The following ARHGAP20 variants were observed in gnomAD, a reference collection of about 807,000 sequenced individuals.
ARHGAP20 encodes the protein rho GTPase-activating protein 20.
In ARHGAP20, 34 loss-of-function variants were observed where a neutral mutation model predicts 73.7. The observed-to-expected ratio is 0.46, with a 90% CI of 0.35 to 0.61. ARHGAP20 has a LOEUF of 0.61. ARHGAP20 is among the 20% of genes least tolerant of loss of function. The pLI is 0.00. For synonymous variants in ARHGAP20, 523 were observed against 518.2 expected, an observed-to-expected ratio of 1.01 and a Z score of -0.13; for missense variants, 1,314 against 1,420.9, an observed-to-expected ratio of 0.92 and a Z score of 1.21.
chr11:110,638,056 T>C (rs765795530), intron 2 of ARHGAP20, among the ~76,000 whole-genome samples: 4 of 152,078 alleles, frequency 2.6e-5, no homozygotes, highest in Non-Finnish European at 4.4e-5. Context: ...GAGCAGGACA[T>C]TGCATTTTGT....
intron 8 of ARHGAP20, among the ~76,000 whole-genome samples, chr11:110,607,314 C>T (rs1948257339): frequency 6.6e-6 from 1 of 152,174 alleles, no homozygotes; most frequent in Non-Finnish European, 1.5e-5. Context: ...ATGCTTCCCT[C>T]TCACTGCTGC....
At chr11:110,667,465 C>G (rs989584034) in intron 2 of ARHGAP20, among the ~76,000 whole-genome samples, 1 of 152,138 alleles carries the variant, frequency 6.6e-6, no homozygotes, top group Non-Finnish European at 1.5e-5. Context: ...AAAATAGATT[C>G]CTTTCAAAAC....
chr11:110,712,205 C>G lies in ARHGAP20; in HGVS notation c.27G>C (p.Glu9Asp), dbSNP rs1950680739. 7.3e-7 allele frequency: 1 copy of G among 1,369,206 alleles called. No individual in the cohort carries two copies. Among genetic ancestry groups the G allele is most frequent in the Non-Finnish European group, 9.5e-7 (1 of 1,054,560 alleles). 84.8% of individuals were successfully genotyped at this position (1,369,206 alleles called of 1,614,324 possible). Residue 9 changes from glutamate (E) to aspartate (D), a missense_variant, in exon 1 of 15, where the codon GAG becomes GAC. Around this residue, in one of 3 missense-constraint regions of ARHGAP20, gnomAD observed 443 missense variants for 466.4 expected, o/e 0.95. Transcript: ENST00000683387. MEAMSPQQ[E>D]TLGGQPGRSS... is the part of the protein sequence containing the mutation. ...AGCGCCCCGGCTGTCCCCCTAGAGT[C>G]TCCTGCTGGGGGGACATCGCTTCCA...
At chr11:110,642,699 G>A (rs980882677) in intron 2 of ARHGAP20, among the ~76,000 whole-genome samples, 1 of 152,070 alleles carries the variant, frequency 6.6e-6, no homozygotes, top group East Asian at 1.9e-4. Flanking sequence ...GTATTTTGTC[G>A]AGGATTTTTG....
At chr11:110,653,257 A>G (rs1022965025) in intron 2 of ARHGAP20, among the ~76,000 whole-genome samples, 5 of 152,228 alleles carry the variant, frequency 3.3e-5, no homozygotes, top group Admixed American at 1.3e-4. Flanking sequence ...CTGCACAGCC[A>G]AAGAAACCAT....
At chr11:110,683,258 T>C (rs891918102) in intron 2 of ARHGAP20, among the ~76,000 whole-genome samples, 2 of 152,140 alleles carry the variant, frequency 1.3e-5, no homozygotes, top group African/African-American at 4.8e-5. Context: ...ACAATGCCAA[T>C]ATATATGAGA....
Position 110,577,213 on chromosome 11 carries a change from T to C in ARHGAP20, c.*2157A>G. ...TATGGTAGTAAAATTTGTCAAGATA[T>C]ATTATACAAACTCAAAGCATTTTAG... On this transcript the variant is annotated 3_prime_UTR_variant, in exon 15 of 15. Coordinates refer to ENST00000683387, the MANE Select transcript of ARHGAP20 (RefSeq NM_001384657.1). The C allele has an allele frequency of 6.6e-7, 1 of 1,516,892 alleles. No individual in the cohort carries two copies. Among genetic ancestry groups the C allele is most frequent in the East Asian group, 2.5e-5 (1 of 40,588 alleles). 94.0% of individuals were successfully genotyped at this position (1,516,892 alleles called of 1,614,324 possible). A position where few individuals can be genotyped will look rare whatever the true frequency, so the allele number is the denominator to read the frequency against.
intron 2 of ARHGAP20, among the ~76,000 whole-genome samples, chr11:110,638,488 T>A (rs1591334594): frequency 6.6e-6 from 1 of 151,728 alleles, no homozygotes; most frequent in Non-Finnish European, 1.5e-5. Context: ...TAGTCTTAGG[T>A]AAGAGATGTT....
intron 2 of ARHGAP20, among the ~76,000 whole-genome samples, chr11:110,647,041 G>A (rs192152366): frequency 5.3e-5 from 8 of 152,162 alleles, no homozygotes; most frequent in African/African-American, 1.9e-4. Context: ...AGTAACTTGA[G>A]AGAGAGAGAA....
chr11:110,643,148 C>T (rs1021636400), intron 2 of ARHGAP20, among the ~76,000 whole-genome samples: 2 of 151,918 alleles, frequency 1.3e-5, no homozygotes, highest in African/African-American at 2.4e-5. Context: ...TCTGACTGTA[C>T]TTATTTAGAT....
intron 2 of ARHGAP20, among the ~76,000 whole-genome samples, chr11:110,633,007 A>T (rs1948890910): frequency 6.6e-6 from 1 of 152,164 alleles, no homozygotes; most frequent in Admixed American, 6.5e-5. Context: ...AAATTTTTTC[A>T]TATGGTGTTT....
At chr11:110,660,971 T>C (rs960056722) in intron 2 of ARHGAP20, among the ~76,000 whole-genome samples, 1 of 152,222 alleles carries the variant, frequency 6.6e-6, no homozygotes, top group African/African-American at 2.4e-5. Context: ...CAGTGAAAAC[T>C]GACTGCAGAG....
chr11:110,693,103 A>G (rs182313209), intron 1 of ARHGAP20, among the ~76,000 whole-genome samples: 22 of 152,118 alleles, frequency 1.4e-4, no homozygotes, highest in South Asian at 6.2e-4. Flanking sequence ...GGTGTTTTTC[A>G]TGGAAATCTA....
At chr11:110,677,136 C>A (rs1157729535) in intron 2 of ARHGAP20, among the ~76,000 whole-genome samples, 1 of 152,136 alleles carries the variant, frequency 6.6e-6, no homozygotes, top group Non-Finnish European at 1.5e-5. Flanking sequence ...TGGGGCCTTA[C>A]AAACTTCAAA....
intron 9 of ARHGAP20, 35 bp downstream of exon 9, chr11:110,606,526 T>G: frequency 6.3e-7 from 1 of 1,588,430 alleles, no homozygotes; most frequent in Non-Finnish European, 8.5e-7. Context: ...TAAATTTATG[T>G]TCAAGAACGA....
In ARHGAP20 at chr11:110,579,327, T is replaced by G; in HGVS notation, c.*43A>C. ...CATAATAATTATTGTCTATTATTAT[T>G]AACCCAGTTCCTGTTCTTGTGGACA... On this transcript the variant is annotated 3_prime_UTR_variant, in exon 15 of 15. Transcript: ENST00000683387. 1 of 1,525,786 alleles carries G rather than the reference T, an allele frequency of 6.6e-7. No individual in the cohort carries two copies. Among genetic ancestry groups the G allele is most frequent in the East Asian group, 2.3e-5 (1 of 43,840 alleles). 94.5% of individuals were successfully genotyped at this position (1,525,786 alleles called of 1,614,324 possible). A position where few individuals can be genotyped will look rare whatever the true frequency, so the allele number is the denominator to read the frequency against.
chr11:110,611,819 G>A (rs1948373614), intron 6 of ARHGAP20, among the ~76,000 whole-genome samples: 1 of 70,028 alleles, frequency 1.4e-5, no homozygotes, highest in African/African-American at 7.3e-5. Context: ...TTCACAATAC[G>A]TTTTATTTCT....
chr11:110,639,751 TAGC>T (rs1364846643), intron 2 of ARHGAP20, among the ~76,000 whole-genome samples: 1 of 152,058 alleles, frequency 6.6e-6, no homozygotes, highest in East Asian at 1.9e-4. Context: ...GTTCATGTTG[TAGC>T]ATGTATTAGC....
chr11:110,707,173 A>G (rs774884856), intron 1 of ARHGAP20, among the ~76,000 whole-genome samples: 26 of 152,150 alleles, frequency 1.7e-4, no homozygotes, highest in Non-Finnish European at 3.7e-4. Context: ...TTCTGGGCCT[A>G]TAAGTCTCTT....
Sources: gnomAD v4.1 joint callset for allele counts (sites outside exome capture counted in the v4.1 genomes callset) on GRCh38, gnomAD v4.1.1 for gene constraint, gnomAD v4.1.1 regional missense constraint, MANE v1.5 for transcripts, NCBI Gene and HGNC (gene_info 2026-07-23, HGNC 2026-07-21) for gene names.